Variants in PDXDC1 observed in about 807,000 individuals in gnomAD.
PDXDC1 encodes the protein pyridoxal dependent decarboxylase domain containing 1.
In PDXDC1, 42 loss-of-function variants were observed where a neutral mutation model predicts 100.1. The ratio of observed to expected loss-of-function variants is 0.42; its 90% confidence interval spans 0.33 to 0.54. The LOEUF is 0.54. PDXDC1 is among the 20% of genes least tolerant of loss of function. The probability of loss-of-function intolerance (pLI) is 0.10; values close to 1 mark genes in which losing one functional copy is unlikely to be tolerated. For synonymous variants in PDXDC1, 260 were observed against 371.7 expected, an observed-to-expected ratio of 0.70 and a Z score of 3.46; for missense variants, 636 against 979.2, an observed-to-expected ratio of 0.65 and a Z score of 4.68.
At chr16:15,084,309 C>T (rs1029418198) in intron 16 of PDXDC1, among the ~76,000 whole-genome samples, 2 of 87,460 alleles carry the variant, frequency 2.3e-5, no homozygotes, top group South Asian at 4.0e-4. Flanking sequence ...CTTAGAAGTG[C>T]AATTTTTATT....
At chr16:15,149,873 G>A in the PDXDC1 span, among the ~76,000 whole-genome samples, 1 of 152,104 alleles carries the variant, frequency 6.6e-6, no homozygotes, top group East Asian at 1.9e-4. Flanking sequence ...CTGGGACAAT[G>A]GGATGTCGGC....
intron 16 of PDXDC1, chr16:15,065,207 A>G: frequency 6.3e-7 from 1 of 1,585,192 alleles, no homozygotes; most frequent in Non-Finnish European, 8.6e-7. Context: ...GTCAATGTTT[A>G]AAAGTACCTA....
At chr16:15,147,454 T>C in the PDXDC1 span, among the ~76,000 whole-genome samples, 3 of 152,166 alleles carry the variant, frequency 2.0e-5, no homozygotes, top group Non-Finnish European at 4.4e-5. Context: ...TGATGAGCTA[T>C]GGAGAGACAA....
intron 1 of PDXDC1, chr16:14,990,214 A>C: frequency 1.9e-6 from 2 of 1,027,662 alleles, no homozygotes; most frequent in Middle Eastern, 4.4e-4. Context: ...CCCGCCGCCC[A>C]GCCCACCGGC....
At chr16:15,147,337 G>A in the PDXDC1 span, among the ~76,000 whole-genome samples, 1 of 152,318 alleles carries the variant, frequency 6.6e-6, no homozygotes, top group African/African-American at 2.4e-5. Context: ...GCGGCTGCAG[G>A]GGTCTGCCCC....
At chr16:15,083,411 GA>G in intron 16 of PDXDC1, 1 of 1,530,690 alleles carries the variant, frequency 6.5e-7, no homozygotes, top group African/African-American at 1.4e-5. Flanking sequence ...AAAAGAAAAA[GA>G]AAAAGAAAGA....
At chr16:15,104,347 T>A in intron 16 of PDXDC1, 2 of 1,594,410 alleles carry the variant, frequency 1.3e-6, no homozygotes, top group South Asian at 1.1e-5. Context: ...TTATTCTTCG[T>A]TAGTTTCTTC....
intron 16 of PDXDC1, chr16:15,133,798 T>A: frequency 1.9e-6 from 3 of 1,586,354 alleles, no homozygotes; most frequent in African/African-American, 2.7e-5. Flanking sequence ...TACTCACCCG[T>A]GCATTCGAAG....
intron 3 of PDXDC1, among the ~76,000 whole-genome samples, chr16:14,998,734 T>A (rs1242679881): frequency 2.0e-5 from 3 of 152,242 alleles, no homozygotes; most frequent in Non-Finnish European, 4.4e-5. Flanking sequence ...GGATTACAGG[T>A]GTGAGCCACT....
intron 16 of PDXDC1, among the ~76,000 whole-genome samples, chr16:15,101,356 A>C (rs2151847981): frequency 6.6e-6 from 1 of 152,226 alleles, no homozygotes; most frequent in Non-Finnish European, 1.5e-5. Flanking sequence ...TCGCTCTTTC[A>C]CCCAGGACGG....
chr16:15,022,855 A>ACTGAAAT, intron 13 of PDXDC1, 101 bp downstream of exon 13: 1 of 984,420 alleles, frequency 1.0e-6, no homozygotes, highest in Non-Finnish European at 1.5e-6. Context: ...TCCACATTTC[A>ACTGAAAT]GTGGAATTGT....
chr16:15,101,111 T>G (rs2151847437), intron 16 of PDXDC1, among the ~76,000 whole-genome samples: 1 of 152,336 alleles, frequency 6.6e-6, no homozygotes, highest in East Asian at 1.9e-4. Flanking sequence ...TTGAGCTATT[T>G]TAGAGCTATC....
At chr16:15,145,723 T>A in the PDXDC1 span, among the ~76,000 whole-genome samples, 1 of 152,248 alleles carries the variant, frequency 6.6e-6, no homozygotes, top group Non-Finnish European at 1.5e-5. Flanking sequence ...GGAAAGGGCG[T>A]GAGCTGCATT....
At chr16:15,071,272 G>A (rs771287993) in intron 16 of PDXDC1, 28 of 1,580,012 alleles carry the variant, frequency 1.8e-5, no homozygotes, top group South Asian at 9.3e-5. Context: ...AGAGGGCGTC[G>A]GTGTGATCTT....
intron 7 of PDXDC1, among the ~76,000 whole-genome samples, chr16:15,009,068 T>C (rs1268438911): frequency 6.6e-6 from 1 of 152,272 alleles, no homozygotes; most frequent in African/African-American, 2.4e-5. Context: ...GTCTTGTAAT[T>C]ACTGTATCAC....
Position 15,130,227 on chromosome 16 carries a change from G to C in PDXDC1, c.1400-8652G>C, listed in dbSNP as rs1215728205. 3.2e-6 allele frequency: 5 copies of C among 1,551,178 alleles called. No individual in the cohort carries two copies. The South Asian group carries it at 4.7e-5, about 15-fold the overall frequency. Reference sequence around the variant, plus strand: ...AGGAAACACAAAGCGTACATGGCTTGGGGGCACGAAGAGGCTGGCGCCGAA... The same window carrying C: ...AGGAAACACAAAGCGTACATGGCTTCGGGGCACGAAGAGGCTGGCGCCGAA... On this transcript the variant is annotated intron_variant, in intron 16 of 16. Transcript: ENST00000535621.
At position 15,133,927 on chromosome 16, in the gene PDXDC1, G is replaced by A. The variant is rs1248801051; in HGVS notation, c.1400-4952G>A. The A allele has an allele frequency of 2.0e-4, 298 of 1,458,576 alleles. 2 individuals are homozygous for A. Among genetic ancestry groups the A allele is most frequent in the Non-Finnish European group, 2.6e-4 (279 of 1,066,378 alleles). 90.4% of individuals were successfully genotyped at this position (1,458,576 alleles called of 1,614,324 possible). A position where few individuals can be genotyped will look rare whatever the true frequency, so the allele number is the denominator to read the frequency against. On this transcript the variant is annotated intron_variant, in intron 16 of 16. Transcript: ENST00000535621. ...GCGCAGCCCTCCTCCTCGCCAGAGC[G>A]GCCCAGCACCGTCAGCGTGAAGGTG...
intron 1 of PDXDC1, among the ~76,000 whole-genome samples, chr16:14,984,009 A>C (rs1425731625): frequency 6.6e-6 from 1 of 152,246 alleles, no homozygotes; most frequent in Non-Finnish European, 1.5e-5. Flanking sequence ...ATAAAAAATA[A>C]AAACTTAGCC....
downstream of PDXDC1, among the ~76,000 whole-genome samples, chr16:15,142,074 A>G (rs1433538707): frequency 6.6e-6 from 1 of 152,192 alleles, no homozygotes; most frequent in Non-Finnish European, 1.5e-5. Flanking sequence ...GGGCACAGGC[A>G]TGGGGAGCAG....
Sources: gnomAD v4.1 joint callset for allele counts (sites outside exome capture counted in the v4.1 genomes callset) on GRCh38, gnomAD v4.1.1 for gene constraint, MANE v1.5 for transcripts, NCBI Gene and HGNC (gene_info 2026-07-23, HGNC 2026-07-21) for gene names.